Variants in MLLT10 observed in about 807,000 individuals in gnomAD.
MLLT10 encodes protein AF-10.
Under a neutral mutation model 129.1 loss-of-function variants are expected in MLLT10, and 30 were observed. The observed-to-expected ratio is 0.23, with a 90% CI of 0.17 to 0.32. The LOEUF is 0.32. Among genes scored for constraint, MLLT10 ranks in the 10% least tolerant of loss-of-function variants. The pLI is 1.00. For synonymous variants in MLLT10, 490 were observed against 446.4 expected (o/e 1.10, Z -1.23); for missense variants, 1,119 against 1,268.3 (o/e 0.88, Z 1.79).
chr10:21,543,108 T>C (rs1044653239), intron 3 of MLLT10, among the ~76,000 whole-genome samples: 4 of 151,316 alleles, frequency 2.6e-5, no homozygotes, highest in East Asian at 2.0e-4. Flanking sequence ...ACAGACACCA[T>C]GCCCGGCTAG....
chr10:21,658,369 A>G (rs573691922), intron 9 of MLLT10, among the ~76,000 whole-genome samples: 2 of 152,340 alleles, frequency 1.3e-5, no homozygotes, highest in East Asian at 1.9e-4. Flanking sequence ...TATAGTATGT[A>G]TGCTTTTTCT....
At chr10:21,696,069 A>G (rs80223636) in intron 13 of MLLT10, among the ~76,000 whole-genome samples, 2,921 of 151,854 alleles carry the variant, frequency 0.019, 87 homozygotes, top group African/African-American at 0.066. Context: ...TAGAGGCACA[A>G]GGTCTCATCT....
chr10:21,741,909 T>C (rs762512476), intron 22 of MLLT10, 30 bp from the exon 23 acceptor site: 1 of 1,602,296 alleles, frequency 6.2e-7, no homozygotes, highest in South Asian at 1.1e-5. Context: ...TTGATTTAGC[T>C]AACGCATCTG....
At chr10:21,717,360 T>G (rs2056658500) in intron 14 of MLLT10, among the ~76,000 whole-genome samples, 1 of 122,748 alleles carries the variant, frequency 8.1e-6, no homozygotes, top group African/African-American at 3.1e-5. Flanking sequence ...GAAACTTGAT[T>G]TGTGCTGGGA....
intron 9 of MLLT10, chr10:21,668,988 G>GA (rs1319675525): frequency 7.3e-7 from 1 of 1,368,364 alleles, no homozygotes; most frequent in Non-Finnish European, 9.7e-7. Flanking sequence ...AAAAGTATTT[G>GA]AAAAATGAGG....
chr10:21,611,325 T>C (rs2044632974), intron 5 of MLLT10, among the ~76,000 whole-genome samples: 2 of 151,960 alleles, frequency 1.3e-5, no homozygotes, highest in Non-Finnish European at 2.9e-5. Flanking sequence ...AGGTTTTCAA[T>C]AGAGGAGTTG....
intron 11 of MLLT10, among the ~76,000 whole-genome samples, chr10:21,677,849 C>T (rs1564631877): frequency 6.6e-6 from 1 of 152,184 alleles, no homozygotes; most frequent in African/African-American, 2.4e-5. Context: ...GTTGTTTAAA[C>T]TATAACATTC....
intron 8 of MLLT10, among the ~76,000 whole-genome samples, chr10:21,637,733 C>T (rs1287034017): frequency 6.6e-6 from 1 of 152,156 alleles, no homozygotes; most frequent in Non-Finnish European, 1.5e-5. Context: ...GTAAACTGAT[C>T]TTGATCCTTA....
chr10:21,689,567 A>ATATATATATATATATATATG (rs2053630601), intron 13 of MLLT10, among the ~76,000 whole-genome samples: 1 of 60,316 alleles, frequency 1.7e-5, no homozygotes. Flanking sequence ...ATATATATGT[A>ATATATATATATATATATATG]TATATATATA....
intron 5 of MLLT10, among the ~76,000 whole-genome samples, chr10:21,601,236 A>G (rs1275018372): frequency 6.6e-6 from 1 of 152,100 alleles, no homozygotes; most frequent in Admixed American, 6.6e-5. Context: ...GTGAGCCACC[A>G]TGCCTGGCCT....
At chr10:21,587,039 A>G (rs1214814681) in intron 4 of MLLT10, among the ~76,000 whole-genome samples, 3 of 151,232 alleles carry the variant, frequency 2.0e-5, no homozygotes, top group Non-Finnish European at 4.4e-5. Flanking sequence ...CTCTAGACAG[A>G]TGATGTTTCT....
intron 11 of MLLT10, among the ~76,000 whole-genome samples, chr10:21,676,527 C>T (rs1377708579): frequency 2.6e-5 from 4 of 151,596 alleles, no homozygotes; most frequent in African/African-American, 4.8e-5. Flanking sequence ...TCTAGACCGT[C>T]CTGGCCAACA....
At chr10:21,711,066 C>G (rs2056034104) in intron 13 of MLLT10, among the ~76,000 whole-genome samples, 1 of 152,116 alleles carries the variant, frequency 6.6e-6, no homozygotes, top group East Asian at 1.9e-4. Flanking sequence ...AGAATTTATC[C>G]TGCTCTACTG....
chr10:21,676,728 A>AT, intron 11 of MLLT10, among the ~76,000 whole-genome samples: 3 of 118,328 alleles, frequency 2.5e-5, no homozygotes, highest in African/African-American at 1.2e-4. Context: ...CTCAAAAAAA[A>AT]AAAAAAAAAA....
At chr10:21,740,970 GGAA>G (rs1357745534) in intron 22 of MLLT10, among the ~76,000 whole-genome samples, 3 of 152,202 alleles carry the variant, frequency 2.0e-5, no homozygotes, top group Admixed American at 1.3e-4. Context: ...ATCAGGAAAA[GGAA>G]GAAGGGAGGG....
At position 21,733,924 on chromosome 10, in the gene MLLT10, G is replaced by C; in HGVS notation, c.2653G>C (p.Val885Leu). The C allele has an allele frequency of 6.2e-7, 1 of 1,614,170 alleles. No homozygotes were observed. The highest frequency in any genetic ancestry group is 2.2e-5 in the East Asian group (1 of 44,874). The part of the protein sequence containing the change: ...VGALASGMQP[V>L]TSTIPAVSAV... ...GGCACTAGCTAGTGGAATGCAGCCT[G>C]TAACTTCCACCATTCCTGCCGTGTC... The change falls in exon 20 of 23, where the codon GTA becomes CTA. Residue 885 changes from valine to leucine, a missense_variant. Around this residue, in one of 5 missense-constraint regions of MLLT10, gnomAD observed 1,004 missense variants for 1,008.7 expected, o/e 1.00. Coordinates refer to ENST00000307729, the MANE Select transcript of MLLT10 (RefSeq NM_001195626.3).
chr10:21,714,083 T>C lies in MLLT10; in HGVS notation c.1878+133T>C, dbSNP rs1037995009. The C allele has an allele frequency of 7.1e-6, 5 of 700,834 alleles. No individual in the cohort carries two copies. In the African/African-American group the frequency reaches 9.1e-5, roughly 13 times the overall value. 43.4% of individuals were successfully genotyped at this position (700,834 alleles called of 1,614,324 possible). ...TGAAATACCTCAATTTGTATTAATG[T>C]ATTAGTGAAAATGATAGGTATTTTT... On this transcript the variant is annotated intron_variant, in intron 14 of 22. Coordinates refer to ENST00000307729, the MANE Select transcript of MLLT10 (RefSeq NM_001195626.3).
chr10:21,561,797 A>T (rs1326722504), intron 3 of MLLT10, among the ~76,000 whole-genome samples: 1 of 151,482 alleles, frequency 6.6e-6, no homozygotes, highest in East Asian at 1.9e-4. Flanking sequence ...CTCTGTTTTT[A>T]TGCCAGTACA....
chr10:21,536,558 T>G (rs989271089), intron 2 of MLLT10, among the ~76,000 whole-genome samples: 2 of 152,194 alleles, frequency 1.3e-5, no homozygotes, highest in African/African-American at 2.4e-5. Flanking sequence ...ATAGAGCATT[T>G]ATAGTGAGAC....
Sources: gnomAD v4.1 joint callset for allele counts (sites outside exome capture counted in the v4.1 genomes callset) on GRCh38, gnomAD v4.1.1 for gene constraint, gnomAD v4.1.1 regional missense constraint, MANE v1.5 for transcripts, NCBI Gene and HGNC (gene_info 2026-07-23, HGNC 2026-07-21) for gene names.